NPAS3: variants seen among roughly 807,000 people sequenced by gnomAD.
NPAS3 encodes the protein neuronal PAS domain protein 3.
A neutral mutation model predicts 73.1 loss-of-function variants in NPAS3; 14 were observed. That is an observed-to-expected ratio of 0.19 (90% CI 0.13 to 0.30). The LOEUF (loss-of-function observed/expected upper bound fraction) is 0.30. Among genes scored for constraint, NPAS3 ranks in the 10% least tolerant of loss-of-function variants. NPAS3 has a pLI of 1.00. For synonymous variants in NPAS3, 620 were observed against 541.5 expected (o/e 1.14, Z -2.01); for missense variants, 1,096 against 1,250.0 (o/e 0.88, Z 1.86).
chr14:33,475,643 C>A (rs1330136376), intron 4 of NPAS3, among the ~76,000 whole-genome samples: 1 of 151,644 alleles, frequency 6.6e-6, no homozygotes, highest in Non-Finnish European at 1.5e-5. Flanking sequence ...TCCTGGTTTC[C>A]ATCAAGCCGT....
At chr14:33,645,291 C>G (rs114873011) in intron 5 of NPAS3, among the ~76,000 whole-genome samples, 4 of 152,108 alleles carry the variant, frequency 2.6e-5, no homozygotes, top group Admixed American at 6.5e-5. Flanking sequence ...CTCTTGACTA[C>G]TAAATGATAT....
intron 1 of NPAS3, among the ~76,000 whole-genome samples, chr14:32,990,858 T>G (rs945346): frequency 0.14 from 20,752 of 150,774 alleles, 1,429 homozygotes; most frequent in East Asian, 0.17. Flanking sequence ...TCCCAGGAGG[T>G]TGAGGCTGCA....
chr14:32,978,476 C>A (rs969053371), intron 1 of NPAS3, among the ~76,000 whole-genome samples: 5 of 151,922 alleles, frequency 3.3e-5, no homozygotes, highest in Admixed American at 6.6e-5. Flanking sequence ...TTGAGCACAG[C>A]AAGCTGGAAG....
chr14:33,712,873 C>T (rs2060860090), intron 6 of NPAS3, among the ~76,000 whole-genome samples: 2 of 152,262 alleles, frequency 1.3e-5, no homozygotes, highest in Admixed American at 6.5e-5. Flanking sequence ...GCTCCGAAAG[C>T]TAGGCTCTTT....
intron 7 of NPAS3, among the ~76,000 whole-genome samples, chr14:33,756,808 CAG>C (rs1302276783): frequency 2.8e-4 from 42 of 152,262 alleles, no homozygotes; most frequent in African/African-American, 7.9e-4. Context: ...TGAAGGAAAA[CAG>C]AGAGTCAGAG....
chr14:32,940,313 T>G (rs1207195428), intron 1 of NPAS3, among the ~76,000 whole-genome samples: 1 of 152,206 alleles, frequency 6.6e-6, no homozygotes, highest in African/African-American at 2.4e-5. Context: ...CCCGTAACTG[T>G]TCTACGTGAG....
Position 33,280,741 on chromosome 14 carries a change from T to TA in NPAS3, c.385+65315_385+65316insA, listed in dbSNP as rs536042541. ...TTGAGAAAGTACAAAAAGGATATTCTGCTGCTTCAAATTAAACTACAAAAG... is the reference window on the plus strand; with the variant it reads ...TTGAGAAAGTACAAAAAGGATATTCTAGCTGCTTCAAATTAAACTACAAAAG... On this transcript the variant is annotated intron_variant, in intron 3 of 11. Transcript: ENST00000356141. 7.2e-5 allele frequency among the ~76,000 whole-genome samples: 11 copies of TA among 152,300 alleles called. No individual in the cohort carries two copies. In the South Asian group the frequency reaches 2.3e-3, roughly 32 times the overall value.
At chr14:33,076,934 G>A (rs888566065) in intron 2 of NPAS3, among the ~76,000 whole-genome samples, 2 of 152,040 alleles carry the variant, frequency 1.3e-5, no homozygotes, top group Admixed American at 6.6e-5. Flanking sequence ...CATTACAAAG[G>A]GCAAGTAGAA....
At chr14:33,546,240 C>T (rs1437456007) in intron 4 of NPAS3, among the ~76,000 whole-genome samples, 1 of 152,208 alleles carries the variant, frequency 6.6e-6, no homozygotes, top group Non-Finnish European at 1.5e-5. Flanking sequence ...CTTTAAACTA[C>T]TCTGGCTGCT....
intron 2 of NPAS3, among the ~76,000 whole-genome samples, chr14:33,180,413 T>C (rs912893083): frequency 8.5e-5 from 13 of 152,162 alleles, no homozygotes; most frequent in Admixed American, 2.6e-4. Context: ...AGATTTGCGT[T>C]TTTTATTAGC....
intron 4 of NPAS3, among the ~76,000 whole-genome samples, chr14:33,549,551 T>C (rs2055011100): frequency 1.3e-5 from 2 of 152,164 alleles, no homozygotes. Context: ...ATCACAGTGA[T>C]TATTTGATAC....
chr14:32,984,410 GA>G (rs2038017882), intron 1 of NPAS3, among the ~76,000 whole-genome samples: 1 of 152,044 alleles, frequency 6.6e-6, no homozygotes, highest in Admixed American at 6.6e-5. Flanking sequence ...CTTACTTTGG[GA>G]AAAAAAGTAA....
intron 2 of NPAS3, among the ~76,000 whole-genome samples, chr14:33,122,632 G>A (rs2043272323): frequency 6.6e-6 from 1 of 152,056 alleles, no homozygotes; most frequent in Admixed American, 6.6e-5. Flanking sequence ...TGATACTCAG[G>A]TTCAAACGAT....
At chr14:33,668,626 G>A (rs555482267) in intron 5 of NPAS3, among the ~76,000 whole-genome samples, 1 of 152,248 alleles carries the variant, frequency 6.6e-6, no homozygotes, top group South Asian at 2.1e-4. Context: ...GACCAGCCTG[G>A]CCAACACGAC....
At chr14:33,660,632 G>A (rs1320786910) in intron 5 of NPAS3, among the ~76,000 whole-genome samples, 1 of 152,150 alleles carries the variant, frequency 6.6e-6, no homozygotes. Context: ...TTGTTCTGGA[G>A]GGCAACGCAA....
At chr14:33,457,633 T>C (rs754904415) in intron 4 of NPAS3, among the ~76,000 whole-genome samples, 8 of 152,178 alleles carry the variant, frequency 5.3e-5, no homozygotes, top group Non-Finnish European at 1.2e-4. Flanking sequence ...TTTCATTCCT[T>C]CTTCTTTTAA....
chr14:33,108,823 T>C (rs1286477221), intron 2 of NPAS3, among the ~76,000 whole-genome samples: 1 of 152,124 alleles, frequency 6.6e-6, no homozygotes. Context: ...AAATTTAATA[T>C]AGTCTGCTTG....
At chr14:33,314,859 G>T (rs1161204822) in intron 3 of NPAS3, among the ~76,000 whole-genome samples, 1 of 151,994 alleles carries the variant, frequency 6.6e-6, no homozygotes, top group Non-Finnish European at 1.5e-5. Flanking sequence ...ATATTTCCAT[G>T]CATTAATCTT....
At chr14:33,734,180 A>T (rs2061467897) in intron 6 of NPAS3, among the ~76,000 whole-genome samples, 1 of 152,200 alleles carries the variant, frequency 6.6e-6, no homozygotes, top group South Asian at 2.1e-4. Context: ...ACTCGAAAGA[A>T]ATCCTGTTTC....
Sources: allele counts gnomAD v4.1 joint callset (sites outside exome capture counted in the v4.1 genomes callset), GRCh38; gene constraint gnomAD v4.1.1; transcripts MANE v1.5; gene names NCBI Gene and HGNC (gene_info 2026-07-23, HGNC 2026-07-21).